Variants in RALGAPA2 observed in about 807,000 individuals in gnomAD.
RALGAPA2 encodes the protein ral GTPase-activating protein subunit alpha-2.
RALGAPA2 carries 139 observed loss-of-function variants against 230.4 expected under a neutral mutation model. The observed-to-expected ratio is 0.60, with a 90% confidence interval of 0.53 to 0.69. The LOEUF (loss-of-function observed/expected upper bound fraction) is 0.69. Ranked by LOEUF, RALGAPA2 falls within the 30% of genes least tolerant of loss-of-function variation. The pLI is 0.00. For synonymous variants in RALGAPA2, 847 were observed against 837.8 expected, an observed-to-expected ratio of 1.01 and a Z score of -0.19; for missense variants, 2,163 against 2,276.0, an observed-to-expected ratio of 0.95 and a Z score of 1.01.
At chr20:20,446,628 G>A (rs559119221) in intron 37 of RALGAPA2, among the ~76,000 whole-genome samples, 1 of 152,332 alleles carries the variant, frequency 6.6e-6, no homozygotes, top group South Asian at 2.1e-4. Flanking sequence ...ACACTGCACT[G>A]CTCAGCACTG....
Position 20,572,959 on chromosome 20 carries a change from G to A in RALGAPA2, c.2817C>T (p.Leu939=), listed in dbSNP as rs371285198. Residue 939 remains leucine, a synonymous_variant, in exon 21 of 40, where the codon CTC becomes CTT. Transcript: ENST00000202677. ...AVLWRRVLGI[L]GDVNNIQSPK... ...GTGACTGGATGTTATTCACATCTCC[G>A]AGGATCCCCAAGACCCTTCGCCATA... The A allele has an allele frequency of 6.3e-5, 101 of 1,598,128 alleles. No homozygotes were observed. Among genetic ancestry groups the A allele is most frequent in the Middle Eastern group, 1.7e-4 (1 of 5,762 alleles).
intron 1 of RALGAPA2, 80 bp from the exon 2 acceptor site, chr20:20,680,881 A>T: frequency 6.7e-7 from 1 of 1,497,266 alleles, no homozygotes; most frequent in Non-Finnish European, 8.9e-7. Flanking sequence ...TCAGAAAAGA[A>T]GGCAAGTACA....
In RALGAPA2 at chr20:20,571,983, A is replaced by G. The variant is rs187296882; in HGVS notation, c.2902-37T>C. 422 of 1,397,202 alleles carry G rather than the reference A, an allele frequency of 3.0e-4. 3 individuals are homozygous for G. Among genetic ancestry groups the G allele is most frequent in the Middle Eastern group, 3.5e-4 (2 of 5,726 alleles). 86.6% of individuals were successfully genotyped at this position (1,397,202 alleles called of 1,614,324 possible). ...AGAGGAGAATTTTAGGGTAGGTAACATTACGTTTATCCCAACAGTATTTCA... is the reference window on the plus strand; with the variant it reads ...AGAGGAGAATTTTAGGGTAGGTAACGTTACGTTTATCCCAACAGTATTTCA... On this transcript the variant is annotated intron_variant, in intron 21 of 39. Transcript: ENST00000202677.
chr20:20,485,571 T>G (rs1410687722), intron 36 of RALGAPA2, among the ~76,000 whole-genome samples: 1 of 152,258 alleles, frequency 6.6e-6, no homozygotes, highest in East Asian at 1.9e-4. Context: ...TGAGTCCATT[T>G]TTTTCCTCTC....
chr20:20,699,450 A>T (rs2069252977), intron 1 of RALGAPA2, among the ~76,000 whole-genome samples: 1 of 152,226 alleles, frequency 6.6e-6, no homozygotes, highest in Non-Finnish European at 1.5e-5. Flanking sequence ...TATAGAGTCC[A>T]TGGAATCGAG....
chr20:20,573,342 G>T (rs1026267044), intron 20 of RALGAPA2, among the ~76,000 whole-genome samples: 2 of 152,098 alleles, frequency 1.3e-5, no homozygotes, highest in Non-Finnish European at 2.9e-5. Context: ...AGAGGAAGAG[G>T]GAGACCCTTG....
chr20:20,496,701 G>A (rs957069260), intron 35 of RALGAPA2, among the ~76,000 whole-genome samples: 4 of 152,150 alleles, frequency 2.6e-5, no homozygotes, highest in South Asian at 4.1e-4. Context: ...TATTTAAAAC[G>A]TGTTAGCATA....
At position 20,512,788 on chromosome 20, in the gene RALGAPA2, A is replaced by T. The variant is rs757173652; in HGVS notation, c.4581T>A (p.Ile1527=). 2.5e-6 allele frequency: 4 copies of T among 1,613,796 alleles called. No individual in the cohort carries two copies. Among genetic ancestry groups the T allele is most frequent in the Non-Finnish European group, 3.4e-6 (4 of 1,179,786 alleles). Reference sequence around the variant, plus strand: ...AAAGGCATTCAGGACTTGTATGGCCAATGTTTTCAAGTAATTTGTCAAGAA... The same window carrying T: ...AAAGGCATTCAGGACTTGTATGGCCTATGTTTTCAAGTAATTTGTCAAGAA... ...DDVLDKLLEN[I]GHTSPECLLP... The change falls in exon 32 of 40, where the codon ATT becomes ATA. Residue 1527 remains isoleucine (I), a synonymous_variant. Coordinates refer to ENST00000202677, the MANE Select transcript of RALGAPA2 (RefSeq NM_020343.4).
At chr20:20,536,837 G>A (rs1358458329) in intron 24 of RALGAPA2, 53 bp from the exon 25 acceptor site, 15 of 1,550,488 alleles carry the variant, frequency 9.7e-6, no homozygotes, top group South Asian at 3.6e-5. Context: ...AGTTAGAAAC[G>A]TTAAATAAGT....
At chr20:20,414,495 G>A (rs1019761211) in intron 37 of RALGAPA2, among the ~76,000 whole-genome samples, 11 of 152,138 alleles carry the variant, frequency 7.2e-5, no homozygotes, top group East Asian at 1.9e-4. Context: ...ACAAAGGGAC[G>A]TTTTGCATAA....
At chr20:20,409,921 G>C (rs904517182) in intron 38 of RALGAPA2, among the ~76,000 whole-genome samples, 3 of 152,276 alleles carry the variant, frequency 2.0e-5, no homozygotes, top group Admixed American at 2.0e-4. Context: ...CTTAAGGATA[G>C]GCATGATAGA....
intron 3 of RALGAPA2, among the ~76,000 whole-genome samples, chr20:20,664,105 T>G (rs2067878080): frequency 6.6e-6 from 1 of 152,236 alleles, no homozygotes. Flanking sequence ...GCATGCAATT[T>G]AAAACTTATG....
intron 4 of RALGAPA2, among the ~76,000 whole-genome samples, chr20:20,653,287 T>C (rs1011232500): frequency 1.3e-5 from 2 of 151,274 alleles, no homozygotes; most frequent in South Asian, 2.1e-4. Flanking sequence ...TCTAACAAGC[T>C]TCTGGGTGAG....
At chr20:20,412,797 T>C (rs898420454) in intron 37 of RALGAPA2, among the ~76,000 whole-genome samples, 8 of 152,136 alleles carry the variant, frequency 5.3e-5, no homozygotes, top group Admixed American at 2.6e-4. Flanking sequence ...ACACACAGCA[T>C]TCAAATGTGT....
At chr20:20,624,105 T>C (rs905027524) in intron 10 of RALGAPA2, among the ~76,000 whole-genome samples, 22 of 152,178 alleles carry the variant, frequency 1.4e-4, no homozygotes, top group African/African-American at 5.3e-4. Flanking sequence ...GGCGGGTGGA[T>C]CACCTGAGGT....
At chr20:20,413,903 G>A (rs1289411257) in intron 37 of RALGAPA2, among the ~76,000 whole-genome samples, 1 of 152,226 alleles carries the variant, frequency 6.6e-6, no homozygotes, top group East Asian at 1.9e-4. Context: ...CTCAGCGAGA[G>A]GCGCCTGCTC....
At position 20,503,368 on chromosome 20, in the gene RALGAPA2, C is replaced by T. The variant is rs2062434285; in HGVS notation, c.5191G>A (p.Asp1731Asn). Residue 1731 changes from aspartate (D) to asparagine (N), a missense_variant, in exon 35 of 40, where the codon GAT becomes AAT. By Grantham distance (23) the Asp-to-Asn change is conservative. Coordinates refer to ENST00000202677, the MANE Select transcript of RALGAPA2 (RefSeq NM_020343.4). ...CCCCTTACCTTTTTGGTGAGGGAAT[C>T]ATCTGAGTCTGACGGCATTCGAGTG... ...VSTRMPSDSD[D>N]SLTKKLRHLG... 2.5e-6 allele frequency: 4 copies of T among 1,595,180 alleles called. No homozygotes were observed. Among genetic ancestry groups the T allele is most frequent in the Non-Finnish European group, 3.4e-6 (4 of 1,168,378 alleles).
intron 10 of RALGAPA2, among the ~76,000 whole-genome samples, chr20:20,625,548 A>C (rs1312893509): frequency 6.6e-6 from 1 of 152,244 alleles, no homozygotes; most frequent in Non-Finnish European, 1.5e-5. Flanking sequence ...AAGACACTTT[A>C]CCAAAGGATA....
chr20:20,429,619 T>C (rs550865011), intron 37 of RALGAPA2, among the ~76,000 whole-genome samples: 10 of 152,358 alleles, frequency 6.6e-5, no homozygotes, highest in African/African-American at 2.4e-4. Flanking sequence ...TCCAGTGATA[T>C]TTTGAAGACA....
Sources: gnomAD v4.1 joint callset for allele counts (sites outside exome capture counted in the v4.1 genomes callset) on GRCh38, gnomAD v4.1.1 for gene constraint, MANE v1.5 for transcripts, NCBI Gene and HGNC (gene_info 2026-07-23, HGNC 2026-07-21) for gene names.